PTBP3: variants seen among roughly 807,000 people sequenced by gnomAD.
PTBP3 encodes the protein polypyrimidine tract binding protein 3, also known as polypyrimidine tract-binding protein 3.
A neutral mutation model predicts 58.7 loss-of-function variants in PTBP3; 20 were observed. That is an observed-to-expected ratio of 0.34 (90% CI 0.24 to 0.50). The LOEUF (loss-of-function observed/expected upper bound fraction) is 0.50, where lower values mean the gene tolerates loss of function less well. Among genes scored for constraint, PTBP3 ranks in the 20% least tolerant of loss-of-function variants. The probability of loss-of-function intolerance (pLI) is 0.98; values close to 1 mark genes in which losing one functional copy is unlikely to be tolerated. For missense variants in PTBP3, 509 were observed against 637.2 expected, an observed-to-expected ratio of 0.80 and a Z score of 2.17; for synonymous variants, 185 against 219.8, an observed-to-expected ratio of 0.84 and a Z score of 1.40.
At chr9:112,349,845 C>G in the PTBP3 span, among the ~76,000 whole-genome samples, 840 of 105,206 alleles carry the variant, frequency 8.0e-3, 6 homozygotes, top group Middle Eastern at 0.013. Context: ...GCCTGGGTGA[C>G]AGAGTGAGAC....
intron 12 of PTBP3, among the ~76,000 whole-genome samples, chr9:112,225,048 C>T (rs1236784254): frequency 6.6e-6 from 1 of 152,194 alleles, no homozygotes; most frequent in Non-Finnish European, 1.5e-5. Context: ...TCCTGACTCA[C>T]AGTAACAATA....
intron 7 of PTBP3, among the ~76,000 whole-genome samples, chr9:112,240,728 A>G (rs904983409): frequency 6.6e-6 from 1 of 151,752 alleles, no homozygotes; most frequent in Non-Finnish European, 1.5e-5. Context: ...AAGTATTGTC[A>G]TTATAGGAGA....
chr9:112,320,291 A>AAAATATAT (rs1411646280), intron 1 of PTBP3, among the ~76,000 whole-genome samples: 36 of 73,526 alleles, frequency 4.9e-4, no homozygotes, highest in East Asian at 2.8e-3. Flanking sequence ...AAAAAAAAAA[A>AAAATATAT]ATATATATAT....
At chr9:112,266,088 C>T (rs2132147796) in intron 4 of PTBP3, among the ~76,000 whole-genome samples, 1 of 152,010 alleles carries the variant, frequency 6.6e-6, no homozygotes, top group South Asian at 2.1e-4. Context: ...ATGGTAGTTG[C>T]CAGAGGTGGG....
intron 9 of PTBP3, 94 bp from the exon 10 acceptor site, chr9:112,231,507 A>G (rs909680754): frequency 4.6e-6 from 5 of 1,077,310 alleles, no homozygotes; most frequent in Non-Finnish European, 6.7e-6. Context: ...ATTTTATTTT[A>G]AAGCATGGTT....
At chr9:112,349,425 T>G in the PTBP3 span, among the ~76,000 whole-genome samples, 1 of 152,110 alleles carries the variant, frequency 6.6e-6, no homozygotes, top group Non-Finnish European at 1.5e-5. Context: ...CTATCTAACC[T>G]GAAGAGGGAA....
rs6477909 is a variant in PTBP3, at chr9:112,285,754, G to A, written c.35-9741C>T. Among the ~76,000 whole-genome samples the A allele has an allele frequency of 2.6e-5, 4 of 152,264 alleles. No individual in the cohort carries two copies. In the East Asian group the frequency reaches 7.7e-4, roughly 29 times the overall value. On this transcript the variant is annotated intron_variant, in intron 2 of 13. Coordinates refer to ENST00000374257, the MANE Select transcript of PTBP3 (RefSeq NM_001163788.4). The stretch of plus-strand genomic sequence containing the variant: ...AATCTTATCCTTTAGTATTTTTCAC[G>A]ATTTTAAATTTTAAAAACCACTCTT...
Position 112,220,082 on chromosome 9 carries a change from C to T in PTBP3, c.*3769G>A. The T allele has an allele frequency of 8.4e-7, 1 of 1,195,272 alleles. No homozygotes were observed. Among genetic ancestry groups the T allele is most frequent in the Non-Finnish European group, 1.1e-6 (1 of 942,034 alleles). The allele number at this position is 1,195,272 out of a possible 1,614,324, so 74.0% of individuals were successfully genotyped here. A position where few individuals can be genotyped will look rare whatever the true frequency, so the allele number is the denominator to read the frequency against. On this transcript the variant is annotated 3_prime_UTR_variant, in exon 14 of 14. Coordinates refer to ENST00000374257, the MANE Select transcript of PTBP3 (RefSeq NM_001163788.4). ...GAAAGGCTAAGAAAAATGCTTTACG[C>T]ATCGTCACGCTGTCTCTTTTTGGTT... is the stretch of plus-strand genomic sequence containing the variant.
At chr9:112,375,243 T>A in the PTBP3 span, among the ~76,000 whole-genome samples, 1 of 152,230 alleles carries the variant, frequency 6.6e-6, no homozygotes, top group Non-Finnish European at 1.5e-5. Context: ...CCAAATTTTA[T>A]TGTCACCAAT....
upstream of PTBP3, among the ~76,000 whole-genome samples, chr9:112,337,645 A>G (rs1318700135): frequency 6.6e-6 from 1 of 152,248 alleles, no homozygotes; most frequent in Admixed American, 6.5e-5. Context: ...GAAGACAGAT[A>G]CAAATAATTT....
chr9:112,313,568 C>T (rs1268171370), intron 1 of PTBP3, among the ~76,000 whole-genome samples: 3 of 152,110 alleles, frequency 2.0e-5, no homozygotes, highest in Non-Finnish European at 1.5e-5. Flanking sequence ...TATCACAGAC[C>T]GGAATCATCT....
intron 5 of PTBP3, among the ~76,000 whole-genome samples, chr9:112,260,603 A>G (rs1210739980): frequency 6.6e-6 from 1 of 152,202 alleles, no homozygotes; most frequent in African/African-American, 2.4e-5. Flanking sequence ...ACAAGACAGA[A>G]ATGGACTAAG....
chr9:112,312,590 G>GACAA (rs1829535435), intron 1 of PTBP3, among the ~76,000 whole-genome samples: 1 of 37,388 alleles, frequency 2.7e-5, no homozygotes, highest in African/African-American at 2.0e-4. Flanking sequence ...TCGGGGAAAT[G>GACAA]ATAAATGAAA....
At chr9:112,233,405 T>G (rs1459076533) in intron 8 of PTBP3, among the ~76,000 whole-genome samples, 7 of 151,880 alleles carry the variant, frequency 4.6e-5, no homozygotes, top group East Asian at 3.9e-4. Flanking sequence ...TATTTATATA[T>G]AGAGTATATC....
intron 1 of PTBP3, among the ~76,000 whole-genome samples, chr9:112,320,315 T>TATATATATATATATA (rs60292377): frequency 6.7e-4 from 18 of 27,054 alleles, no homozygotes; most frequent in African/African-American, 1.8e-3. Flanking sequence ...TATATATATA[T>TATATATATATATATA]TTTTTTTTAA....
At chr9:112,332,732 T>C (rs1216833498) in intron 1 of PTBP3, 3 of 1,603,088 alleles carry the variant, frequency 1.9e-6, no homozygotes, top group Admixed American at 3.4e-5. Context: ...CATTAAATTT[T>C]TGAGCATTTG....
chr9:112,244,730 C>T (rs962474535), intron 7 of PTBP3, among the ~76,000 whole-genome samples: 1 of 151,710 alleles, frequency 6.6e-6, no homozygotes, highest in African/African-American at 2.4e-5. Context: ...GCACAATGTT[C>T]AAAGACTGGA....
rs760430908 is a variant in PTBP3 at position 112,332,867 on chromosome 9, T to C, written c.-52+603A>G. ...ATGGTCACTAAGTCCAGACCCCTGG[T>C]GTCGAGAAAGCGTTAACGTATCTCA... On this transcript the variant is annotated intron_variant, in intron 1 of 13. Coordinates refer to ENST00000374257, the MANE Select transcript of PTBP3 (RefSeq NM_001163788.4). The C allele has an allele frequency of 1.7e-5, 28 of 1,610,074 alleles. No individual in the cohort carries two copies. In the South Asian group the frequency reaches 1.8e-4, roughly 10 times the overall value.
chr9:112,348,974 G>A, the PTBP3 span, among the ~76,000 whole-genome samples: 1 of 152,156 alleles, frequency 6.6e-6, no homozygotes, highest in South Asian at 2.1e-4. Context: ...TGGTGTTGTG[G>A]TATAAGAAAT....
Sources: allele counts gnomAD v4.1 joint callset (sites outside exome capture counted in the v4.1 genomes callset), GRCh38; gene constraint gnomAD v4.1.1; transcripts MANE v1.5; gene names NCBI Gene and HGNC (gene_info 2026-07-23, HGNC 2026-07-21).